Variants in KLHL8 observed in about 807,000 individuals in gnomAD.
The protein encoded by KLHL8 is kelch-like protein 8.
In KLHL8, 38 loss-of-function variants were observed where a neutral mutation model predicts 63.5. The observed-to-expected ratio is 0.60, with a 90% CI of 0.46 to 0.78. KLHL8 has a LOEUF of 0.78. Ranked by LOEUF, KLHL8 falls within the 30% of genes least tolerant of loss-of-function variation. The pLI is 0.00. For synonymous variants in KLHL8, 224 were observed against 254.3 expected (o/e 0.88, Z 1.13); for missense variants, 566 against 752.4 (o/e 0.75, Z 2.90).
intron 1 of KLHL8, among the ~76,000 whole-genome samples, chr4:87,203,535 GA>G (rs565987676): frequency 0.08 from 6,023 of 75,696 alleles, 130 homozygotes; most frequent in Middle Eastern, 0.19. Context: ...TCTCACAAAA[GA>G]AAAAAAAAAA....
At chr4:87,174,561 G>A (rs370084812) in intron 6 of KLHL8, among the ~76,000 whole-genome samples, 11 of 152,258 alleles carry the variant, frequency 7.2e-5, no homozygotes, top group African/African-American at 2.4e-4. Context: ...TTACAGGCAT[G>A]AGCCACCATG....
chr4:87,164,538 T>C (rs1052139682), intron 8 of KLHL8, among the ~76,000 whole-genome samples: 3 of 152,228 alleles, frequency 2.0e-5, no homozygotes, highest in Non-Finnish European at 2.9e-5. Context: ...AGTTTTCCAA[T>C]TGTTTCCCTT....
At chr4:87,181,258 C>T (rs1578370409) in intron 4 of KLHL8, among the ~76,000 whole-genome samples, 1 of 149,816 alleles carries the variant, frequency 6.7e-6, no homozygotes. Context: ...GAAACCCTGC[C>T]TCTAGTAAAA....
At chr4:87,168,730 A>G (rs924511242) in intron 8 of KLHL8, among the ~76,000 whole-genome samples, 1 of 147,896 alleles carries the variant, frequency 6.8e-6, no homozygotes, top group Non-Finnish European at 1.5e-5. Context: ...ACGTATATAT[A>G]TGTGTGTATA....
chr4:87,221,794 A>T (rs1398008510), upstream of KLHL8, among the ~76,000 whole-genome samples: 1 of 152,204 alleles, frequency 6.6e-6, no homozygotes, highest in Non-Finnish European at 1.5e-5. Flanking sequence ...AAATATAAAT[A>T]ATTCTTAATA....
chr4:87,170,052 A>G (rs1411283544), intron 8 of KLHL8, 27 bp downstream of exon 8: 1 of 1,573,356 alleles, frequency 6.4e-7, no homozygotes. Context: ...ATATACTGAT[A>G]TATTAGAGAA....
chr4:87,220,935 A>T (rs982521840), upstream of KLHL8: 1 of 152,088 alleles, frequency 6.6e-6, no homozygotes, highest in Non-Finnish European at 1.5e-5. Flanking sequence ...TGTTCCTGGG[A>T]TTTATGTCTT....
At chr4:87,198,857 A>C (rs564008915) in intron 1 of KLHL8, among the ~76,000 whole-genome samples, 1 of 152,348 alleles carries the variant, frequency 6.6e-6, no homozygotes, top group South Asian at 2.1e-4. Context: ...TATTTACAAC[A>C]ACCAAGAGGT....
chr4:87,212,802 C>T (rs1732452516), intron 1 of KLHL8, among the ~76,000 whole-genome samples: 1 of 152,144 alleles, frequency 6.6e-6, no homozygotes. Context: ...CAGCATGTTA[C>T]TACATGCTGT....
rs571034610 is a variant in KLHL8, at chr4:87,173,425, G to T, written c.1209-2810C>A. 2.4e-4 allele frequency among the ~76,000 whole-genome samples: 36 copies of T among 152,068 alleles called. No individual in the cohort carries two copies. The South Asian group carries it at 3.5e-3, about 15-fold the overall frequency. ...TGGTGGGCATTTAAAACTTTTTTTT[G>T]AATAAATAAGTGAACCTTTAGACAT... On this transcript the variant is annotated intron_variant, in intron 6 of 9. Transcript: ENST00000273963.
At chr4:87,227,808 C>T (rs1216768661) in intron 1 of KLHL8, among the ~76,000 whole-genome samples, 1 of 152,188 alleles carries the variant, frequency 6.6e-6, no homozygotes. Context: ...GCTTAAGCCA[C>T]TGTGTCAGGG....
chr4:87,239,331 G>C (rs1733289203), intron 1 of KLHL8, among the ~76,000 whole-genome samples: 1 of 152,180 alleles, frequency 6.6e-6, no homozygotes, highest in South Asian at 2.1e-4. Context: ...GGGAAATGGA[G>C]CAGGGCTTGG....
intron 1 of KLHL8, among the ~76,000 whole-genome samples, chr4:87,238,317 C>A (rs930226897): frequency 2.0e-5 from 3 of 152,168 alleles, no homozygotes; most frequent in Non-Finnish European, 4.4e-5. Flanking sequence ...AAGAGAAAAT[C>A]ATTTTTGAAA....
intron 1 of KLHL8, among the ~76,000 whole-genome samples, chr4:87,210,467 C>T (rs1213271962): frequency 1.3e-5 from 2 of 151,836 alleles, no homozygotes; most frequent in African/African-American, 2.4e-5. Flanking sequence ...GGCGACAGAG[C>T]GAGACTCCAT....
At chr4:87,187,235 ATTGTTG>A (rs1007133788) in intron 2 of KLHL8, among the ~76,000 whole-genome samples, 4 of 151,828 alleles carry the variant, frequency 2.6e-5, no homozygotes, top group South Asian at 2.1e-4. Flanking sequence ...GAGTGTTGTT[ATTGTTG>A]TTGTTGTTGT....
At position 87,161,054 on chromosome 4, in the gene KLHL8, T is replaced by G. The variant is rs1169473448; in HGVS notation, c.*2465A>C. The G allele has an allele frequency of 6.7e-6, 1 of 150,290 alleles. No homozygotes were observed. The highest frequency in any genetic ancestry group is 1.5e-5 in the Non-Finnish European group (1 of 67,558). The allele number at this position is 150,290 out of a possible 1,614,324, so 9.3% of individuals were successfully genotyped here. ...CTGCTTTTTTATCTTTTTTTTTTTTTTTTTTTTGAGATGGAGTTTCACTCT... is the reference window on the plus strand; with the variant it reads ...CTGCTTTTTTATCTTTTTTTTTTTTGTTTTTTTGAGATGGAGTTTCACTCT... On this transcript the variant is annotated 3_prime_UTR_variant, in exon 10 of 10. Transcript: ENST00000273963.
chr4:87,208,279 T>C (rs1459053874), intron 1 of KLHL8, among the ~76,000 whole-genome samples: 1 of 151,790 alleles, frequency 6.6e-6, no homozygotes, highest in Non-Finnish European at 1.5e-5. Flanking sequence ...TAAAGTCCCC[T>C]ATGCTTAGCC....
intron 1 of KLHL8, among the ~76,000 whole-genome samples, chr4:87,230,095 C>G (rs571314242): frequency 1.3e-5 from 2 of 152,220 alleles, no homozygotes; most frequent in South Asian, 4.1e-4. Context: ...TGGACAGATT[C>G]TAGAGGCAGC....
chr4:87,204,605 A>C (rs1377160585), intron 1 of KLHL8, among the ~76,000 whole-genome samples: 1 of 152,226 alleles, frequency 6.6e-6, no homozygotes, highest in African/African-American at 2.4e-5. Context: ...CTGTGGGTAC[A>C]CCCATACAAT....
Sources: allele counts gnomAD v4.1 joint callset (sites outside exome capture counted in the v4.1 genomes callset), GRCh38; gene constraint gnomAD v4.1.1; transcripts MANE v1.5; gene names NCBI Gene and HGNC (gene_info 2026-07-23, HGNC 2026-07-21).